Variants in DMXL1 observed in about 807,000 individuals in gnomAD.
DMXL1 encodes the protein Dmx like 1.
Under a neutral mutation model 319.2 loss-of-function variants are expected in DMXL1, and 99 were observed. The observed-to-expected ratio is 0.31, with a 90% CI of 0.26 to 0.37. The LOEUF is 0.37. DMXL1 is among the 10% of genes least tolerant of loss of function. The pLI, the probability that DMXL1 is intolerant of heterozygous loss-of-function variation, is 1.00. For synonymous variants in DMXL1, 1,385 were observed against 1,235.2 expected (o/e 1.12, Z -2.54); for missense variants, 3,745 against 3,595.6 (o/e 1.04, Z -1.06).
intron 13 of DMXL1, among the ~76,000 whole-genome samples, chr5:119,143,472 T>C (rs1331022122): frequency 6.6e-6 from 1 of 152,050 alleles, no homozygotes; most frequent in Admixed American, 6.6e-5. Context: ...CATATTTGAA[T>C]AGTATGTAAT....
chr5:119,073,145 C>T (rs1352006735), intron 1 of DMXL1, among the ~76,000 whole-genome samples: 1 of 152,164 alleles, frequency 6.6e-6, no homozygotes, highest in Non-Finnish European at 1.5e-5. Context: ...TCACTGCAGC[C>T]TCGACCTCCC....
chr5:119,200,882 G>T (rs538068637), intron 32 of DMXL1, among the ~76,000 whole-genome samples: 1 of 152,264 alleles, frequency 6.6e-6, no homozygotes, highest in South Asian at 2.1e-4. Context: ...TGTTGTTGGT[G>T]TATAGGAATG....
At chr5:119,106,949 G>T (rs559715669) in intron 4 of DMXL1, among the ~76,000 whole-genome samples, 18 of 152,290 alleles carry the variant, frequency 1.2e-4, no homozygotes, top group African/African-American at 4.3e-4. Context: ...GGAGTTAGAG[G>T]TAGTGGAACA....
Position 119,138,016 on chromosome 5 carries a change from G to A in DMXL1, c.2376+3627G>A, listed in dbSNP as rs901891785. On this transcript the variant is annotated intron_variant, in intron 13 of 43. Transcript: ENST00000539542. ...GAATAACATGGAAACTATAGAAGAG[G>A]TATGAAATGATTTAGGTTTTAAATG... Among the ~76,000 whole-genome samples the A allele has an allele frequency of 3.9e-5, 6 of 152,286 alleles. No homozygotes were observed. The South Asian group carries it at 1.2e-3, about 32-fold the overall frequency.
intron 10 of DMXL1, among the ~76,000 whole-genome samples, chr5:119,131,512 TTAGAGA>T (rs1475107823): frequency 6.6e-6 from 1 of 152,128 alleles, no homozygotes; most frequent in Non-Finnish European, 1.5e-5. Context: ...ACCTGGTACT[TTAGAGA>T]TAAAGTACAA....
intron 1 of DMXL1, among the ~76,000 whole-genome samples, chr5:119,087,755 A>G (rs556937030): frequency 6.6e-6 from 1 of 151,670 alleles, no homozygotes; most frequent in South Asian, 2.1e-4. Context: ...AAATTCTCCT[A>G]CGTTATTGTA....
At chr5:119,115,380 GTC>G (rs1032236427) in intron 6 of DMXL1, among the ~76,000 whole-genome samples, 10 of 152,086 alleles carry the variant, frequency 6.6e-5, no homozygotes, top group African/African-American at 2.4e-4. Context: ...TTTATTACCT[GTC>G]TATTTTAAAG....
At chr5:119,173,803 G>C (rs1323077718) in intron 25 of DMXL1, among the ~76,000 whole-genome samples, 2 of 57,538 alleles carry the variant, frequency 3.5e-5, no homozygotes, top group African/African-American at 1.4e-4. Flanking sequence ...TATATAATGA[G>C]AGAGAGATTT....
In DMXL1 at chr5:119,071,384, C is replaced by A. The variant is rs1749506411; in HGVS notation, c.-186C>A. On this transcript the variant is annotated 5_prime_UTR_variant, in exon 1 of 44. Coordinates refer to ENST00000539542, the MANE Select transcript of DMXL1 (RefSeq NM_001290321.3). ...TCGCCGACCCGCCCCCTCCGGGCCTCGCCCTCCGGGGCTCGGGATGAGTCG... is the reference window on the plus strand; with the variant it reads ...TCGCCGACCCGCCCCCTCCGGGCCTAGCCCTCCGGGGCTCGGGATGAGTCG... 6.9e-6 allele frequency: 4 copies of A among 582,422 alleles called. No homozygotes were observed. The highest frequency in any genetic ancestry group is 1.2e-5 in the Non-Finnish European group (4 of 339,390). The allele number at this position is 582,422 out of a possible 1,614,324, so 36.1% of individuals were successfully genotyped here.
At chr5:119,121,773 G>A (rs945836816) in intron 9 of DMXL1, among the ~76,000 whole-genome samples, 3 of 152,188 alleles carry the variant, frequency 2.0e-5, no homozygotes, top group African/African-American at 4.8e-5. Flanking sequence ...TGTCATCCTG[G>A]CCCGTTCTCA....
intron 4 of DMXL1, among the ~76,000 whole-genome samples, chr5:119,106,624 A>C (rs1005608575): frequency 6.6e-6 from 1 of 152,238 alleles, no homozygotes; most frequent in Non-Finnish European, 1.5e-5. Context: ...GGTTTTCAAA[A>C]GAGGCTAGTC....
At chr5:119,194,383 T>C (rs1000454864) in intron 30 of DMXL1, among the ~76,000 whole-genome samples, 1 of 152,250 alleles carries the variant, frequency 6.6e-6, no homozygotes, top group African/African-American at 2.4e-5. Flanking sequence ...AAGATGTCAA[T>C]AGGTACTATC....
intron 19 of DMXL1, among the ~76,000 whole-genome samples, chr5:119,163,121 A>G (rs1435209730): frequency 1.3e-5 from 2 of 152,218 alleles, no homozygotes; most frequent in Admixed American, 1.3e-4. Context: ...CAAATATCTT[A>G]TTAATATGGT....
rs147004392 is a variant in DMXL1 at position 119,180,146 on chromosome 5, C to T, written c.7135+1902C>T. Among the ~76,000 whole-genome samples, 1,357 of 152,240 alleles carry T rather than the reference C, an allele frequency of 8.9e-3. 24 individuals carry two copies. The highest frequency in any genetic ancestry group is 0.03 in the African/African-American group (1,234 of 41,528). ...GGTCTATTTGGAATAGAATATTTGC[C>T]TTCCCTGTTAAAGGAATTTCAGGTT... On this transcript the variant is annotated intron_variant, in intron 28 of 43. Coordinates refer to ENST00000539542, the MANE Select transcript of DMXL1 (RefSeq NM_001290321.3).
At chr5:119,137,374 A>G (rs1766254243) in intron 13 of DMXL1, among the ~76,000 whole-genome samples, 1 of 152,208 alleles carries the variant, frequency 6.6e-6, no homozygotes, top group South Asian at 2.1e-4. Flanking sequence ...CCCTTGTCTC[A>G]GATGATACTT....
At chr5:119,173,798 A>ATATATATATATATAT (rs1307519155) in intron 25 of DMXL1, among the ~76,000 whole-genome samples, 24 of 126,638 alleles carry the variant, frequency 1.9e-4, no homozygotes, top group East Asian at 2.8e-4. Flanking sequence ...ATATATATAT[A>ATATATATATATATAT]ATGAGAGAGA....
At chr5:119,142,517 TAAAAAA>T (rs148846123) in intron 13 of DMXL1, among the ~76,000 whole-genome samples, 3 of 62,310 alleles carry the variant, frequency 4.8e-5, no homozygotes, top group Admixed American at 1.7e-4. Context: ...TATTAAAAAG[TAAAAAA>T]AAAAAAAAAA....
Position 119,248,892 on chromosome 5 carries a change from G to A in DMXL1, c.*1673G>A, listed in dbSNP as rs1790150431. 1 of 152,436 alleles carries A rather than the reference G, an allele frequency of 6.6e-6. No homozygotes were observed. Among genetic ancestry groups the A allele is most frequent in the Admixed American group, 6.6e-5 (1 of 15,260 alleles). The allele number at this position is 152,436 out of a possible 1,614,324, so 9.4% of individuals were successfully genotyped here. On this transcript the variant is annotated 3_prime_UTR_variant, in exon 44 of 44. Transcript: ENST00000539542. ...ATTGCAAACAATAGTATTGTTTGAT[G>A]TAGTTAACCTTAAGTTATTTTTCAG...
rs552447168 is a variant in DMXL1, at chr5:119,228,761, A to G, written c.8338+3992A>G. Among the ~76,000 whole-genome samples the G allele has an allele frequency of 2.6e-5, 4 of 152,282 alleles. No homozygotes were observed. In the East Asian group the frequency reaches 7.7e-4, roughly 29 times the overall value. On this transcript the variant is annotated intron_variant, in intron 38 of 43. Transcript: ENST00000539542. Reference sequence around the variant, plus strand: ...TTTGGGAAATTTGTCAAAAATATCAAACAGTTTAAAACACTTGATTATAGT... The same window carrying G: ...TTTGGGAAATTTGTCAAAAATATCAGACAGTTTAAAACACTTGATTATAGT...
Sources: allele counts gnomAD v4.1 joint callset (sites outside exome capture counted in the v4.1 genomes callset), GRCh38; gene constraint gnomAD v4.1.1; transcripts MANE v1.5; gene names NCBI Gene and HGNC (gene_info 2026-07-23, HGNC 2026-07-21).